WDFY3: variants seen among roughly 807,000 people sequenced by gnomAD.
WDFY3 encodes the protein WD repeat and FYVE domain containing 3.
WDFY3 carries 66 observed loss-of-function variants against 409.6 expected under a neutral mutation model. That is an observed-to-expected ratio of 0.16 (90% CI 0.13 to 0.20). WDFY3 has a LOEUF of 0.20. WDFY3 is among the 10% of genes least tolerant of loss of function. WDFY3 has a pLI of 1.00. For synonymous variants in WDFY3, 1,521 were observed against 1,537.1 expected (o/e 0.99, Z 0.25); for missense variants, 3,031 against 4,298.1 (o/e 0.71, Z 8.24).
chr4:84,935,393 T>G (rs1293398361), intron 1 of WDFY3, among the ~76,000 whole-genome samples: 1 of 152,200 alleles, frequency 6.6e-6, no homozygotes, highest in Non-Finnish European at 1.5e-5. Flanking sequence ...ATGCCAACTT[T>G]TTAATGCTGG....
intron 44 of WDFY3, among the ~76,000 whole-genome samples, chr4:84,730,698 C>CT (rs1190130921): frequency 5.3e-5 from 8 of 152,154 alleles, no homozygotes; most frequent in Admixed American, 5.2e-4. Flanking sequence ...AGTGTCCAAT[C>CT]TTTTTGCTTC....
intron 2 of WDFY3, among the ~76,000 whole-genome samples, chr4:84,931,355 G>A (rs1023543060): frequency 2.0e-5 from 3 of 152,196 alleles, no homozygotes; most frequent in African/African-American, 7.2e-5. Flanking sequence ...AGGAATCAGA[G>A]TCTGTTCCGG....
At chr4:84,857,274 A>G (rs1009052740) in intron 4 of WDFY3, among the ~76,000 whole-genome samples, 4 of 152,210 alleles carry the variant, frequency 2.6e-5, no homozygotes, top group African/African-American at 9.6e-5. Context: ...TAGATAGAGA[A>G]TAATTACTAA....
intron 56 of WDFY3, among the ~76,000 whole-genome samples, chr4:84,698,290 A>ATATAT (rs1056084586): frequency 6.9e-6 from 1 of 145,744 alleles, no homozygotes; most frequent in African/African-American, 2.5e-5. Context: ...ATATATATAT[A>ATATAT]TTTTTTTTTT....
At chr4:84,902,719 C>T (rs867081164) in intron 2 of WDFY3, among the ~76,000 whole-genome samples, 21 of 152,176 alleles carry the variant, frequency 1.4e-4, no homozygotes, top group African/African-American at 4.1e-4. Context: ...GCCTTTTTCT[C>T]CATACCCTTT....
Position 84,887,207 on chromosome 4 carries a change from G to A in WDFY3, c.-32+9704C>T, listed in dbSNP as rs555974872. 8.5e-5 allele frequency among the ~76,000 whole-genome samples: 13 copies of A among 152,286 alleles called. No homozygotes were observed. In the South Asian group the frequency reaches 1.4e-3, roughly 17 times the overall value. Reference sequence around the variant, plus strand: ...TAAAGGCTATGCATGTTATACCAGGGAAACACAGGAAGGCTGGGGAAAAGT... The same window carrying A: ...TAAAGGCTATGCATGTTATACCAGGAAAACACAGGAAGGCTGGGGAAAAGT... On this transcript the variant is annotated intron_variant, in intron 3 of 67. Coordinates refer to ENST00000295888, the MANE Select transcript of WDFY3 (RefSeq NM_014991.6).
intron 4 of WDFY3, among the ~76,000 whole-genome samples, chr4:84,856,329 T>C (rs912504276): frequency 2.0e-5 from 3 of 152,184 alleles, no homozygotes; most frequent in Non-Finnish European, 2.9e-5. Flanking sequence ...CATTTTAAAA[T>C]ACACAGCAAA....
At chr4:84,895,625 TAGG>T (rs1437045574) in intron 3 of WDFY3, among the ~76,000 whole-genome samples, 3 of 152,048 alleles carry the variant, frequency 2.0e-5, no homozygotes, top group African/African-American at 7.2e-5. Context: ...AACTGTTAAG[TAGG>T]AGGGTTATAT....
chr4:84,740,897 T>C (rs1198126108), intron 38 of WDFY3, among the ~76,000 whole-genome samples: 5 of 152,218 alleles, frequency 3.3e-5, no homozygotes, highest in East Asian at 1.9e-4. Context: ...TTAGGTGACA[T>C]GACAGAGCCT....
At chr4:84,879,925 G>C (rs967424769) in intron 3 of WDFY3, among the ~76,000 whole-genome samples, 1 of 152,102 alleles carries the variant, frequency 6.6e-6, no homozygotes, top group African/African-American at 2.4e-5. Flanking sequence ...ACATAACAAC[G>C]AGTTAACGTT....
At chr4:84,891,384 C>A (rs1027248349) in intron 3 of WDFY3, among the ~76,000 whole-genome samples, 13 of 151,842 alleles carry the variant, frequency 8.6e-5, no homozygotes, top group Non-Finnish European at 1.9e-4. Context: ...AAAAAAGAAA[C>A]CCTTATTATC....
At chr4:84,674,062 G>A (rs1448899326) in intron 67 of WDFY3, among the ~76,000 whole-genome samples, 7 of 152,294 alleles carry the variant, frequency 4.6e-5, no homozygotes, top group African/African-American at 1.7e-4. Flanking sequence ...CAGCCATAGA[G>A]ACCACAGGCT....
Position 84,780,282 on chromosome 4 carries a change from G to A in WDFY3, c.4191C>T (p.Val1397=). Residue 1397 remains valine, a synonymous_variant, in exon 26 of 68, where the codon GTC becomes GTT. Transcript: ENST00000295888. ...GCAAAGTAGTGGCAACAGGCTTAGGGACAAATGTTCTTACTCCTGATTAAA... is the reference window on the plus strand; with the variant it reads ...GCAAAGTAGTGGCAACAGGCTTAGGAACAAATGTTCTTACTCCTGATTAAA... ...LIGYLGVRTF[V]PKPVATTLQY... 3 of 1,609,712 alleles carry A rather than the reference G, an allele frequency of 1.9e-6. No individual in the cohort carries two copies. The highest frequency in any genetic ancestry group is 2.5e-6 in the Non-Finnish European group (3 of 1,178,648).
chr4:84,684,619 C>T (rs1309670093), intron 62 of WDFY3, among the ~76,000 whole-genome samples: 2 of 151,402 alleles, frequency 1.3e-5, no homozygotes, highest in Non-Finnish European at 2.9e-5. Context: ...TCAAAAGGCA[C>T]AATCTTGGTA....
chr4:84,731,061 T>C (rs983832591), intron 44 of WDFY3, among the ~76,000 whole-genome samples: 8 of 152,238 alleles, frequency 5.3e-5, no homozygotes, highest in Admixed American at 4.6e-4. Flanking sequence ...CCTCCCAAAG[T>C]GCTGGGATTA....
rs1749071919 is a variant in WDFY3 at position 84,794,696 on chromosome 4, T to C, written c.3310A>G (p.Ser1104Gly). ...FPPPSGLSYS[S>G]WFCIEHFSSP... is the part of the protein sequence containing the mutation. ...CTAAAATGTTCAATACAAAACCAGCTAGAGTAACTTAAGCCGGAGGGAGGA... is the reference window on the plus strand; with the variant it reads ...CTAAAATGTTCAATACAAAACCAGCCAGAGTAACTTAAGCCGGAGGGAGGA... Residue 1104 changes from serine to glycine, a missense_variant, in exon 21 of 68, where the codon AGC becomes GGC. Ser to Gly is a moderately conservative substitution (Grantham distance 56, BLOSUM62 0). Coordinates refer to ENST00000295888, the MANE Select transcript of WDFY3 (RefSeq NM_014991.6). 3.7e-6 allele frequency: 6 copies of C among 1,613,740 alleles called. No homozygotes were observed. In the South Asian group the frequency reaches 4.4e-5, roughly 12 times the overall value.
At position 84,761,895 on chromosome 4, in the gene WDFY3, A is replaced by C. The variant is rs1351446264; in HGVS notation, c.5188+3915T>G. Reference sequence around the variant, plus strand: ...CATCACTGGCCATCAGAGAAATGCAAATCAAAACCACAATGAGATATCATC... The same window carrying C: ...CATCACTGGCCATCAGAGAAATGCACATCAAAACCACAATGAGATATCATC... On this transcript the variant is annotated intron_variant, in intron 32 of 67. Transcript: ENST00000295888. Among the ~76,000 whole-genome samples, 3 of 152,348 alleles carry C rather than the reference A, an allele frequency of 2.0e-5. No individual in the cohort carries two copies. In the East Asian group the frequency reaches 5.8e-4, roughly 29 times the overall value.
chr4:84,796,967 T>C (rs1055454689), intron 18 of WDFY3, among the ~76,000 whole-genome samples: 4 of 152,162 alleles, frequency 2.6e-5, no homozygotes, highest in Non-Finnish European at 5.9e-5. Flanking sequence ...TGCAGAAATG[T>C]TGGAAACTAG....
At position 84,913,526 on chromosome 4, in the gene WDFY3, A is replaced by G. The variant is rs1191880935; in HGVS notation, c.-131-16516T>C. 5.9e-5 allele frequency among the ~76,000 whole-genome samples: 9 copies of G among 152,282 alleles called. No individual in the cohort carries two copies. The East Asian group carries it at 1.7e-3, about 29-fold the overall frequency. ...TACACACCACATCAGAGGAATTAACAGAAGACAACTTGATGAAGATGAGTG... is the reference window on the plus strand; with the variant it reads ...TACACACCACATCAGAGGAATTAACGGAAGACAACTTGATGAAGATGAGTG... On this transcript the variant is annotated intron_variant, in intron 2 of 67. Coordinates refer to ENST00000295888, the MANE Select transcript of WDFY3 (RefSeq NM_014991.6).
Sources: allele counts gnomAD v4.1 joint callset (sites outside exome capture counted in the v4.1 genomes callset), GRCh38; gene constraint gnomAD v4.1.1; transcripts MANE v1.5; gene names NCBI Gene and HGNC (gene_info 2026-07-23, HGNC 2026-07-21).